REXO2: variants seen among roughly 807,000 people sequenced by gnomAD.
REXO2 encodes oligoribonuclease, mitochondrial.
REXO2 carries 17 observed loss-of-function variants against 30.9 expected under a neutral mutation model. The observed-to-expected ratio is 0.55, with a 90% CI of 0.38 to 0.82. The LOEUF (loss-of-function observed/expected upper bound fraction) is 0.82. REXO2 is among the 40% of genes least tolerant of loss of function. The pLI is 0.00. For missense variants in REXO2, 253 were observed against 293.2 expected (o/e 0.86, Z 1.00); for synonymous variants, 105 against 99.6 (o/e 1.05, Z -0.32).
intron 2 of REXO2, among the ~76,000 whole-genome samples, chr11:114,443,560 C>A (rs1946493872): frequency 6.6e-6 from 1 of 150,930 alleles, no homozygotes; most frequent in African/African-American, 2.4e-5. Context: ...AAAAATCATT[C>A]TTAGCTTTCT....
Position 114,449,974 on chromosome 11 carries a change from G to A in REXO2, c.713G>A (p.Ter238=). ...ENGENEKTVS[*] ...GGGGAAAATGAGAAGACCGTGAGTT[G>A]ATGCCAGTTATCATGCTGCCACTAC... is the stretch of plus-strand genomic sequence containing the variant. Residue 238 remains the stop codon, a stop_retained_variant, in exon 7 of 7, where the codon TGA becomes TAA. Coordinates refer to ENST00000265881, the MANE Select transcript of REXO2 (RefSeq NM_015523.4). 1 of 1,594,782 alleles carries A rather than the reference G, an allele frequency of 6.3e-7. No homozygotes were observed. Among genetic ancestry groups the A allele is most frequent in the Non-Finnish European group, 8.5e-7 (1 of 1,171,562 alleles).
rs367683429 is a variant in REXO2 at position 114,439,508 on chromosome 11, C to G, written c.-21C>G. ...CCAGCGCCGGCTGCGAGACTGGGGC[C>G]GTGGCTGCTGGTCCCGGGTGATGCT... On this transcript the variant is annotated 5_prime_UTR_variant, in exon 1 of 7. Coordinates refer to ENST00000265881, the MANE Select transcript of REXO2 (RefSeq NM_015523.4). The G allele has an allele frequency of 8.1e-6, 13 of 1,601,518 alleles. No individual in the cohort carries two copies. The East Asian group carries it at 1.8e-4, about 22-fold the overall frequency.
chr11:114,446,065 A>C lies in REXO2; in HGVS notation c.508A>C (p.Ser170Arg). The C allele has an allele frequency of 3.8e-6, 6 of 1,595,532 alleles. No individual in the cohort carries two copies. Among genetic ancestry groups the C allele is most frequent in the Non-Finnish European group, 5.1e-6 (6 of 1,165,192 alleles). ...TCTTCATTATAGAATAATTGATGTG[A>C]GCACTGTTAAAGAACTGTGCAGGTA... ...KHLHYRIIDV[S>R]TVKELCRRWY... is the part of the protein sequence containing the mutation. The change falls in exon 5 of 7, where the codon AGC becomes CGC. Residue 170 changes from serine to arginine, a missense_variant. Ser to Arg is a moderately radical substitution (Grantham distance 110). Coordinates refer to ENST00000265881, the MANE Select transcript of REXO2 (RefSeq NM_015523.4).
At chr11:114,444,142 C>G in intron 3 of REXO2, 1 of 648,312 alleles carries the variant, frequency 1.5e-6, no homozygotes, top group African/African-American at 1.8e-5. Flanking sequence ...TTTTTTTTCT[C>G]TCCTACATTC....
rs1946461998 is a variant in REXO2 at position 114,439,731 on chromosome 11, CGA to C, written c.147+58_147+59del. On this transcript the variant is annotated intron_variant, in intron 1 of 6. Coordinates refer to ENST00000265881, the MANE Select transcript of REXO2 (RefSeq NM_015523.4). Reference sequence around the variant, plus strand: ...GCGAGTGAGGTTTCGCTCGTGGAACCGAGGAGTCGAGCCCGTCCTGGGAGAGC... The same window carrying C: ...GCGAGTGAGGTTTCGCTCGTGGAACCGGAGTCGAGCCCGTCCTGGGAGAGC... 13 of 1,434,872 alleles carry C rather than the reference CGA, an allele frequency of 9.1e-6. No homozygotes were observed. The South Asian group carries it at 1.9e-4, about 21-fold the overall frequency. 88.9% of individuals were successfully genotyped at this position (1,434,872 alleles called of 1,614,324 possible).
At chr11:114,446,907 A>G (rs1946512505) in intron 5 of REXO2, among the ~76,000 whole-genome samples, 2 of 151,704 alleles carry the variant, frequency 1.3e-5, no homozygotes, top group Non-Finnish European at 2.9e-5. Context: ...GGTGGCAAGA[A>G]AAGTGGTAGA....
chr11:114,447,678 G>T, intron 5 of REXO2, 148 bp from the exon 6 acceptor site: 3 of 584,948 alleles, frequency 5.1e-6, no homozygotes, highest in Admixed American at 3.3e-5. Context: ...AGAGAGGAGA[G>T]GGTAGAAGAT....
At chr11:114,442,933 G>A (rs1365299984) in intron 2 of REXO2, among the ~76,000 whole-genome samples, 2 of 152,088 alleles carry the variant, frequency 1.3e-5, no homozygotes, top group Non-Finnish European at 2.9e-5. Context: ...TCCAAAGTAT[G>A]TGTGTAGTGA....
chr11:114,444,259 A>G (rs1946498631), intron 3 of REXO2: 2 of 615,558 alleles, frequency 3.2e-6, no homozygotes, highest in Non-Finnish European at 6.0e-6. Flanking sequence ...TCTCCTGTTA[A>G]TAGTTGTTTC....
In REXO2 at chr11:114,449,819, C is replaced by T. The variant is rs199960247; in HGVS notation, c.585-27C>T. The T allele has an allele frequency of 2.6e-5, 41 of 1,592,288 alleles. No homozygotes were observed. The African/African-American group carries it at 5.3e-4, about 21-fold the overall frequency. On this transcript the variant is annotated intron_variant, in intron 6 of 6. Coordinates refer to ENST00000265881, the MANE Select transcript of REXO2 (RefSeq NM_015523.4). The stretch of plus-strand genomic sequence containing the variant: ...TTTCATCTCCTGGTTTTGGACAGTT[C>T]ATTCATTGTGGTATGTTTGCTTATA...
intron 6 of REXO2, among the ~76,000 whole-genome samples, chr11:114,448,214 C>T (rs772081171): frequency 2.4e-4 from 36 of 152,168 alleles, no homozygotes; most frequent in Non-Finnish European, 4.3e-4. Flanking sequence ...AATTAGAACA[C>T]TTTTTGTGTG....
In REXO2 at chr11:114,439,584, G is replaced by A. The variant is rs1379670126; in HGVS notation, c.56G>A (p.Gly19Glu). 1.2e-6 allele frequency: 2 copies of A among 1,609,486 alleles called. No individual in the cohort carries two copies. The highest frequency in any genetic ancestry group is 2.2e-5 in the South Asian group (2 of 90,950). ...TTGCGGGGTGTAGGTGGGAGTCACG[G>A]ACGGTTCGGGGCCCGAGGTGTCCGC... ...RLLRGVGGSH[G>E]RFGARGVREG... Residue 19 changes from glycine to glutamate, a missense_variant, in exon 1 of 7, where the codon GGA becomes GAA. Gly to Glu is a moderately conservative substitution (Grantham distance 98). Coordinates refer to ENST00000265881, the MANE Select transcript of REXO2 (RefSeq NM_015523.4).
rs749811755 is a variant in REXO2, at chr11:114,449,873, C to T, written c.612C>T (p.Ile204=). ...CACTTGATGACATTAGTGAAAGCAT[C>T]AAAGAGCTTCAGTTTTACCGAAATA... ...HRALDDISES[I]KELQFYRNNI... Residue 204 remains isoleucine, a synonymous_variant, in exon 7 of 7, where the codon ATC becomes ATT. Transcript: ENST00000265881. 1.2e-6 allele frequency: 2 copies of T among 1,609,156 alleles called. No individual in the cohort carries two copies. Among genetic ancestry groups the T allele is most frequent in the South Asian group, 2.2e-5 (2 of 90,112 alleles).
intron 3 of REXO2, 136 bp downstream of exon 3, chr11:114,444,069 CTGCT>C: frequency 1.4e-6 from 1 of 718,112 alleles, no homozygotes; most frequent in Non-Finnish European, 2.5e-6. Flanking sequence ...GCCTGGGAAA[CTGCT>C]TGCTTGTTTA....
At chr11:114,440,824 AAAT>A (rs1946471680) in intron 2 of REXO2, 85 bp downstream of exon 2, 1 of 1,138,432 alleles carries the variant, frequency 8.8e-7, no homozygotes, top group African/African-American at 1.6e-5. Context: ...TTTATTTAAA[AAAT>A]AAGAAAGTTG....
At chr11:114,440,810 C>T (rs1042645305) in intron 2 of REXO2, 71 bp downstream of exon 2, 3 of 1,198,422 alleles carry the variant, frequency 2.5e-6, no homozygotes, top group Non-Finnish European at 2.5e-6. Context: ...TTTTTTCCAG[C>T]TTCTTTATTT....
chr11:114,449,811 G>T, intron 6 of REXO2, 35 bp from the exon 7 acceptor site: 3 of 1,579,440 alleles, frequency 1.9e-6, no homozygotes, highest in Non-Finnish European at 2.6e-6. Context: ...TCCTGGTTTT[G>T]GACAGTTCAT....
rs772958414 is a variant in REXO2 at position 114,449,987 on chromosome 11, A to G, written c.*12A>G. The G allele has an allele frequency of 3.8e-6, 6 of 1,586,728 alleles. No individual in the cohort carries two copies. The highest frequency in any genetic ancestry group is 1.4e-5 in the African/African-American group (1 of 73,112). Reference sequence around the variant, plus strand: ...AGACCGTGAGTTGATGCCAGTTATCATGCTGCCACTACATCGTTATCTGGA... The same window carrying G: ...AGACCGTGAGTTGATGCCAGTTATCGTGCTGCCACTACATCGTTATCTGGA... On this transcript the variant is annotated 3_prime_UTR_variant, in exon 7 of 7. Transcript: ENST00000265881.
intron 4 of REXO2, 55 bp from the exon 5 acceptor site, chr11:114,445,924 T>A: frequency 1.1e-6 from 1 of 915,226 alleles, no homozygotes; most frequent in South Asian, 1.4e-5. Context: ...AATTTTGATA[T>A]CCTGTTGTAT....
Sources: allele counts gnomAD v4.1 joint callset (sites outside exome capture counted in the v4.1 genomes callset), GRCh38; gene constraint gnomAD v4.1.1; transcripts MANE v1.5; gene names NCBI Gene and HGNC (gene_info 2026-07-23, HGNC 2026-07-21).